Variants in PPIH observed in about 807,000 individuals in gnomAD.
The protein encoded by PPIH is peptidyl-prolyl cis-trans isomerase H.
PPIH carries 16 observed loss-of-function variants against 27.6 expected under a neutral mutation model. The observed-to-expected ratio is 0.58, with a 90% CI of 0.39 to 0.88. The LOEUF is 0.88. PPIH is among the 40% of genes least tolerant of loss of function. The probability of loss-of-function intolerance (pLI) is 0.00; values close to 1 mark genes in which losing one functional copy is unlikely to be tolerated. For missense variants in PPIH, 155 were observed against 224.1 expected, an observed-to-expected ratio of 0.69 and a Z score of 1.97; for synonymous variants, 63 against 76.1, an observed-to-expected ratio of 0.83 and a Z score of 0.90.
chr1:42,659,004 C>A, intron 2 of PPIH, 96 bp downstream of exon 2: 1 of 1,426,234 alleles, frequency 7.0e-7, no homozygotes, highest in Non-Finnish European at 9.8e-7. Flanking sequence ...TCCGTCCGCT[C>A]ACTGCTCTTG....
At position 42,666,663 on chromosome 1, in the gene PPIH, GA is replaced by G. The variant is rs1649358021; in HGVS notation, c.465+78del. 4 of 1,446,228 alleles carry G rather than the reference GA, an allele frequency of 2.8e-6. No individual in the cohort carries two copies. In the Admixed American group the frequency reaches 5.1e-5, roughly 18 times the overall value. 89.6% of individuals were successfully genotyped at this position (1,446,228 alleles called of 1,614,324 possible). ...GTCTGACTAGCGTGCAGGAGCTAGA[GA>G]AGGGGGAATGAGCTCCAGTTTGTTA... On this transcript the variant is annotated intron_variant, in intron 8 of 9. Coordinates refer to ENST00000304979, the MANE Select transcript of PPIH (RefSeq NM_006347.4).
At chr1:42,660,772 G>T in intron 4 of PPIH, 90 bp from the exon 5 acceptor site, 2 of 1,147,982 alleles carry the variant, frequency 1.7e-6, no homozygotes, top group South Asian at 1.5e-5. Context: ...AGTGTATTTT[G>T]AAATCAACGT....
chr1:42,679,156 G>A (rs1649964831), downstream of PPIH, among the ~76,000 whole-genome samples: 2 of 152,222 alleles, frequency 1.3e-5, no homozygotes, highest in African/African-American at 4.8e-5. Context: ...CTTTGGAACA[G>A]TCATGAACTA....
intron 5 of PPIH, among the ~76,000 whole-genome samples, chr1:42,664,290 T>C (rs538949329): frequency 1.3e-5 from 2 of 152,212 alleles, no homozygotes; most frequent in South Asian, 4.2e-4. Context: ...GCTTTCAGGT[T>C]TACATGTTAC....
At chr1:42,660,839 G>A in intron 4 of PPIH, 23 bp from the exon 5 acceptor site, 1 of 1,575,900 alleles carries the variant, frequency 6.3e-7, no homozygotes, top group Non-Finnish European at 8.6e-7. Context: ...AATCTTCTCA[G>A]TATTCTTTGC....
intron 6 of PPIH, among the ~76,000 whole-genome samples, chr1:42,665,298 G>A (rs768437245): frequency 1.3e-5 from 2 of 152,210 alleles, no homozygotes; most frequent in East Asian, 1.9e-4. Context: ...CCATCTACTC[G>A]GGAGGCTGAG....
chr1:42,670,273 A>T (rs1354495776), intron 9 of PPIH, among the ~76,000 whole-genome samples: 1 of 152,048 alleles, frequency 6.6e-6, no homozygotes, highest in Non-Finnish European at 1.5e-5. Flanking sequence ...CTCCCTCTTC[A>T]ATGGCTGCTG....
chr1:42,665,948 A>G (rs758370044), intron 6 of PPIH, 32 bp from the exon 7 acceptor site: 1 of 1,583,316 alleles, frequency 6.3e-7, no homozygotes, highest in East Asian at 2.2e-5. Flanking sequence ...TGGCCGGGGA[A>G]ACTTACTGCA....
intron 2 of PPIH, 111 bp downstream of exon 2, chr1:42,659,019 C>A: frequency 7.4e-7 from 1 of 1,359,776 alleles, no homozygotes; most frequent in Non-Finnish European, 1.0e-6. Flanking sequence ...CTCTTGAGAC[C>A]TGATTCCTCC....
chr1:42,666,392 A>T (rs1230761788), intron 7 of PPIH, among the ~76,000 whole-genome samples, 155 bp from the exon 8 acceptor site: 1 of 152,180 alleles, frequency 6.6e-6, no homozygotes, highest in East Asian at 1.9e-4. Context: ...TCTACTTATT[A>T]CCTATGACCT....
intron 9 of PPIH, among the ~76,000 whole-genome samples, chr1:42,672,235 A>G (rs1434623611): frequency 6.6e-6 from 1 of 152,200 alleles, no homozygotes; most frequent in Non-Finnish European, 1.5e-5. Flanking sequence ...GAGATTTGTT[A>G]TAAAATAGTG....
In PPIH at chr1:42,661,318, A is replaced by G. The variant is rs569848547; in HGVS notation, c.243+414A>G. 8.7e-4 allele frequency among the ~76,000 whole-genome samples: 132 copies of G among 151,896 alleles called. 1 individual carries two copies. Among genetic ancestry groups the G allele is most frequent in the Non-Finnish European group, 7.4e-4 (50 of 67,932 alleles). On this transcript the variant is annotated intron_variant, in intron 5 of 9. Transcript: ENST00000304979. ...AAATGCTTGTTTCATTTTCTCTTTTACTTCTGGGTGTCACAGTGCCTGGAA... is the reference window on the plus strand; with the variant it reads ...AAATGCTTGTTTCATTTTCTCTTTTGCTTCTGGGTGTCACAGTGCCTGGAA...
rs1226996220 is a variant in PPIH at position 42,664,904 on chromosome 1, T to C, written c.285T>C (p.Phe95=). 2 of 1,613,876 alleles carry C rather than the reference T, an allele frequency of 1.2e-6. No individual in the cohort carries two copies. The change falls in exon 6 of 10, where the codon TTT becomes TTC. Residue 95 remains phenylalanine, a synonymous_variant. Transcript: ENST00000304979. Reference sequence around the variant, plus strand: ...TCGCCAGTATTTACCGGGGGCCATTTGCAGATGAAAATTTTAAACTTAGAC... The same window carrying C: ...TCGCCAGTATTTACCGGGGGCCATTCGCAGATGAAAATTTTAAACTTAGAC... ...TGVASIYRGP[F]ADENFKLRHS...
rs753600098 is a variant in PPIH at position 42,667,380 on chromosome 1, C to A, written c.495C>A (p.Pro165=). 5.6e-6 allele frequency: 9 copies of A among 1,609,484 alleles called. No homozygotes were observed. Among genetic ancestry groups the A allele is most frequent in the Non-Finnish European group, 6.8e-6 (8 of 1,175,802 alleles). ...ENVPTGPNNK[P]KLPVVISQCG... ...TTCCCACAGGCCCCAACAATAAGCC[C>A]AAGCTACCTGTGGTGATCTCGCAGT... The change falls in exon 9 of 10, where the codon CCC becomes CCA. Residue 165 remains proline (P), a synonymous_variant. Coordinates refer to ENST00000304979, the MANE Select transcript of PPIH (RefSeq NM_006347.4).
chr1:42,680,192 G>C (rs765724366), downstream of PPIH, among the ~76,000 whole-genome samples: 1 of 152,128 alleles, frequency 6.6e-6, no homozygotes, highest in African/African-American at 2.4e-5. Context: ...TACTCCAAAC[G>C]TAACAGTGGC....
intron 6 of PPIH, 126 bp from the exon 7 acceptor site, chr1:42,665,854 A>G (rs1263351370): frequency 2.7e-6 from 2 of 750,980 alleles, no homozygotes; most frequent in Non-Finnish European, 4.7e-6. Context: ...GGCTCATAAT[A>G]GGTGCTAAGT....
Position 42,666,577 on chromosome 1 carries a change from G to A in PPIH, c.455G>A (p.Arg152Lys), listed in dbSNP as rs751650122. 1.9e-6 allele frequency: 3 copies of A among 1,613,870 alleles called. No homozygotes were observed. The Admixed American group carries it at 5.0e-5, about 27-fold the overall frequency. ...ATCATCGATGGACTTCTAGTGATGA[G>A]AAAGATTGAGGTAAGTACTGCTTTG... is the stretch of plus-strand genomic sequence containing the variant. Reference protein sequence around the residue: ...GKIIDGLLVMRKIENVPTGPN... With the variant: ...GKIIDGLLVMKKIENVPTGPN... Residue 152 changes from arginine to lysine, a missense_variant, in exon 8 of 10, where the codon AGA becomes AAA. Around this residue, in one of 2 missense-constraint regions of PPIH, gnomAD observed 96 missense variants for 175.3 expected, o/e 0.55. Transcript: ENST00000304979.
chr1:42,659,978 T>C (rs999240064), intron 4 of PPIH, among the ~76,000 whole-genome samples: 31 of 152,218 alleles, frequency 2.0e-4, no homozygotes, highest in African/African-American at 7.2e-4. Flanking sequence ...CATTTCAATA[T>C]AGAATCTTTC....
chr1:42,661,904 T>C (rs534284535), intron 5 of PPIH, among the ~76,000 whole-genome samples: 12 of 152,200 alleles, frequency 7.9e-5, no homozygotes, highest in Non-Finnish European at 1.6e-4. Context: ...CCTGCATTTC[T>C]CACAGTGGCA....
Sources: gnomAD v4.1 joint callset for allele counts (sites outside exome capture counted in the v4.1 genomes callset) on GRCh38, gnomAD v4.1.1 for gene constraint, gnomAD v4.1.1 regional missense constraint, MANE v1.5 for transcripts, NCBI Gene and HGNC (gene_info 2026-07-23, HGNC 2026-07-21) for gene names.